The following EME2 variants were observed in gnomAD, a reference collection of about 807,000 sequenced individuals.
EME2 encodes structure-specific endonuclease subunit EME2.
A neutral mutation model predicts 41.9 loss-of-function variants in EME2; 58 were observed. The ratio of observed to expected loss-of-function variants is 1.38; its 90% CI spans 1.12 to 1.72. EME2 has a LOEUF of 1.72. Ranked by LOEUF, EME2 falls within the 40% of genes most tolerant of loss-of-function variation. The pLI is 0.00. For missense variants in EME2, 695 were observed against 541.9 expected, an observed-to-expected ratio of 1.28 and a Z score of -2.81; for synonymous variants, 334 against 239.3, an observed-to-expected ratio of 1.40 and a Z score of -3.65.
intron 2 of EME2, 134 bp downstream of exon 2, chr16:1,773,975 G>C (rs569854840): frequency 2.4e-6 from 3 of 1,241,520 alleles, no homozygotes; most frequent in Non-Finnish European, 3.3e-6. Context: ...CAAGGATGGA[G>C]AACGGGAAGT....
chr16:1,772,812 T>C lies in EME2; in HGVS notation c.-416T>C. On this transcript the variant is annotated 5_prime_UTR_variant, in exon 1 of 8. Coordinates refer to ENST00000568449, the MANE Select transcript of EME2 (RefSeq NM_001257370.2). ...GGGTGCACGCACCTGCGCCGTGTAG[T>C]CGGGCCGCACCCGCGTGAGGCGCCA... 6.9e-7 allele frequency: 1 copy of C among 1,448,520 alleles called. No individual in the cohort carries two copies. The highest frequency in any genetic ancestry group is 9.0e-7 in the Non-Finnish European group (1 of 1,105,564). 89.7% of individuals were successfully genotyped at this position (1,448,520 alleles called of 1,614,324 possible). A position where few individuals can be genotyped will look rare whatever the true frequency, so the allele number is the denominator to read the frequency against.
In EME2 at chr16:1,781,682, G is replaced by C. The variant is rs942575627; in HGVS notation, c.*5444G>C. On this transcript the variant is annotated 3_prime_UTR_variant, in exon 8 of 8. Coordinates refer to ENST00000568449, the MANE Select transcript of EME2 (RefSeq NM_001257370.2). The stretch of plus-strand genomic sequence containing the variant: ...GATCTGAGCAGCTCAATAAAACCCA[G>C]GTAGATCCTGTGAAACGCCACCCAG... The C allele has an allele frequency of 3.3e-6, 2 of 610,890 alleles. No individual in the cohort carries two copies. Among genetic ancestry groups the C allele is most frequent in the East Asian group, 2.8e-5 (1 of 35,590 alleles). The allele number at this position is 610,890 out of a possible 1,614,324, so 37.8% of individuals were successfully genotyped here.
rs762327122 is a variant in EME2, at chr16:1,781,158, CTG to C, written c.*4928_*4929del. The C allele has an allele frequency of 7.9e-6, 12 of 1,527,624 alleles. No individual in the cohort carries two copies. In the African/African-American group the frequency reaches 1.5e-4, roughly 19 times the overall value. The allele number at this position is 1,527,624 out of a possible 1,614,324, so 94.6% of individuals were successfully genotyped here. On this transcript the variant is annotated 3_prime_UTR_variant, in exon 8 of 8. Transcript: ENST00000568449. The stretch of plus-strand genomic sequence containing the variant: ...TTCTGAGGTCCTGTCACCCCTGAGG[CTG>C]TGTGTGTCCTTTGCCAAATTAAAGA...
In EME2 at chr16:1,773,811, C is replaced by A. The variant is rs1208637540; in HGVS notation, c.354C>A (p.Thr118=). ...PQRPARSLRW[T]RASPDPCPRS... ...GCCCGGCCCGCAGCCTGCGGTGGAC[C>A]CGAGCGAGTCCCGACCCCTGCCCCC... The change falls in exon 2 of 8, where the codon ACC becomes ACA. Residue 118 remains threonine (T), a synonymous_variant. Transcript: ENST00000568449. 29 of 1,556,642 alleles carry A rather than the reference C, an allele frequency of 1.9e-5. No homozygotes were observed. The highest frequency in any genetic ancestry group is 2.3e-5 in the Non-Finnish European group (27 of 1,153,208).
At position 1,776,006 on chromosome 16, in the gene EME2, A is replaced by C; in HGVS notation, c.969+20A>C. ...CAGCAGGTGGGCCCCTGCCTCCTCCAAGCCCTCCAGGTGCAGAAGCCCCGT... is the reference window on the plus strand; with the variant it reads ...CAGCAGGTGGGCCCCTGCCTCCTCCCAGCCCTCCAGGTGCAGAAGCCCCGT... On this transcript the variant is annotated intron_variant, in intron 7 of 7. Transcript: ENST00000568449. 1 of 1,607,078 alleles carries C rather than the reference A, an allele frequency of 6.2e-7. No individual in the cohort carries two copies. The highest frequency in any genetic ancestry group is 8.5e-7 in the Non-Finnish European group (1 of 1,178,378).
In EME2 at chr16:1,781,602, C is replaced by CA. The variant is rs1473419781; in HGVS notation, c.*5365dup. ...CTCAAAGTGGGGACTGCAGGGGCCG[C>CA]ACCGGTGCCCAGCCAGGGCTCCAGA... On this transcript the variant is annotated 3_prime_UTR_variant, in exon 8 of 8. Coordinates refer to ENST00000568449, the MANE Select transcript of EME2 (RefSeq NM_001257370.2). 3 of 1,225,998 alleles carry CA rather than the reference C, an allele frequency of 2.4e-6. No individual in the cohort carries two copies. The highest frequency in any genetic ancestry group is 3.4e-6 in the Non-Finnish European group (3 of 888,056). The allele number at this position is 1,225,998 out of a possible 1,614,324, so 75.9% of individuals were successfully genotyped here.
rs2141992667 is a variant in EME2, at chr16:1,781,240, T to C, written c.*5002T>C. On this transcript the variant is annotated 3_prime_UTR_variant, in exon 8 of 8. Transcript: ENST00000568449. ...CAGGCCCAGGTTTGGACTGGTCCTCTAGCCTCAGAAGCATCTTTTTCTCCG... is the reference window on the plus strand; with the variant it reads ...CAGGCCCAGGTTTGGACTGGTCCTCCAGCCTCAGAAGCATCTTTTTCTCCG... 1.3e-6 allele frequency: 2 copies of C among 1,597,542 alleles called. No individual in the cohort carries two copies. Among genetic ancestry groups the C allele is most frequent in the Middle Eastern group, 1.7e-4 (1 of 6,058 alleles).
In EME2 at chr16:1,777,788, C is replaced by A; in HGVS notation, c.*1550C>A. ...CTTGAAAAAGGTGAGTGTGCCGTGC[C>A]AGGTGTCCAGGTGCACGCCAATGAT... On this transcript the variant is annotated 3_prime_UTR_variant, in exon 8 of 8. Transcript: ENST00000568449. 1 of 1,612,866 alleles carries A rather than the reference C, an allele frequency of 6.2e-7. No homozygotes were observed.
intron 3 of EME2, 27 bp downstream of exon 3, chr16:1,774,379 C>G: frequency 6.3e-7 from 1 of 1,595,590 alleles, no homozygotes; most frequent in Non-Finnish European, 8.6e-7. Flanking sequence ...AGTAGTCCCT[C>G]TCTAATCAGG....
At position 1,780,873 on chromosome 16, in the gene EME2, C is replaced by G; in HGVS notation, c.*4635C>G. 1 of 329,298 alleles carries G rather than the reference C, an allele frequency of 3.0e-6. No homozygotes were observed. Among genetic ancestry groups the G allele is most frequent in the Non-Finnish European group, 5.9e-6 (1 of 168,428 alleles). 20.4% of individuals were successfully genotyped at this position (329,298 alleles called of 1,614,324 possible). On this transcript the variant is annotated 3_prime_UTR_variant, in exon 8 of 8. Transcript: ENST00000568449. ...TCAGCCTCCTGAGTCGTTGGGACTA[C>G]AGGCACGTGCCACCACGCCTGACAC... is the stretch of plus-strand genomic sequence containing the variant.
Position 1,775,634 on chromosome 16 carries a change from G to A in EME2, c.729G>A (p.Leu243=), listed in dbSNP as rs2042699385. The A allele has an allele frequency of 6.2e-7, 1 of 1,612,948 alleles. No homozygotes were observed. The highest frequency in any genetic ancestry group is 1.1e-5 in the South Asian group (1 of 91,086). The change falls in exon 6 of 8, where the codon CTG becomes CTA. Residue 243 remains leucine (L), a synonymous_variant. Coordinates refer to ENST00000568449, the MANE Select transcript of EME2 (RefSeq NM_001257370.2). ...DVLLVASWQE[L]SRHVCAVTKA... Reference sequence around the variant, plus strand: ...TACTGGTGGCCTCTTGGCAGGAGCTGAGTCGGCACGTGTGCGCCGTTACCA... The same window carrying A: ...TACTGGTGGCCTCTTGGCAGGAGCTAAGTCGGCACGTGTGCGCCGTTACCA...
At position 1,775,111 on chromosome 16, in the gene EME2, T is replaced by C. The variant is rs764544647; in HGVS notation, c.548T>C (p.Ile183Thr). The C allele has an allele frequency of 1.2e-6, 2 of 1,611,906 alleles. No individual in the cohort carries two copies. Among genetic ancestry groups the C allele is most frequent in the Non-Finnish European group, 1.7e-6 (2 of 1,179,948 alleles). Reference sequence around the variant, plus strand: ...ACCGCCCGGCCCCACCTGGCTGTCATCGGGCTGGATGCCTACCTGTGGTAC... The same window carrying C: ...ACCGCCCGGCCCCACCTGGCTGTCACCGGGCTGGATGCCTACCTGTGGTAC... ...ETTARPHLAV[I>T]GLDAYLWSRQ... Residue 183 changes from isoleucine (I) to threonine (T), a missense_variant, in exon 4 of 8, where the codon ATC (isoleucine) becomes ACC (threonine). Coordinates refer to ENST00000568449, the MANE Select transcript of EME2 (RefSeq NM_001257370.2).
Position 1,777,605 on chromosome 16 carries a change from G to C in EME2, c.*1367G>C. ...CCTGCCACTCCAGCCTGGCCTCACT[G>C]TCCCACCCCCTGGGACCCTGGGGCC... On this transcript the variant is annotated 3_prime_UTR_variant, in exon 8 of 8. Coordinates refer to ENST00000568449, the MANE Select transcript of EME2 (RefSeq NM_001257370.2). The C allele has an allele frequency of 7.0e-7, 1 of 1,438,824 alleles. No homozygotes were observed. The highest frequency in any genetic ancestry group is 2.3e-5 in the East Asian group (1 of 42,820). 89.1% of individuals were successfully genotyped at this position (1,438,824 alleles called of 1,614,324 possible). A position where few individuals can be genotyped will look rare whatever the true frequency, so the allele number is the denominator to read the frequency against.
chr16:1,776,277 G>A lies in EME2; in HGVS notation c.*39G>A, dbSNP rs766524617. The A allele has an allele frequency of 6.6e-5, 105 of 1,600,688 alleles. No homozygotes were observed. The highest frequency in any genetic ancestry group is 2.5e-4 in the African/African-American group (19 of 74,654). On this transcript the variant is annotated 3_prime_UTR_variant, in exon 8 of 8. Coordinates refer to ENST00000568449, the MANE Select transcript of EME2 (RefSeq NM_001257370.2). The stretch of plus-strand genomic sequence containing the variant: ...CACCAGGACAGCATGCAGCCTTGGG[G>A]ACAGACCAGACACCCTGGGCGGTGG...
At position 1,777,484 on chromosome 16, in the gene EME2, G is replaced by A; in HGVS notation, c.*1246G>A. 6.9e-7 allele frequency: 1 copy of A among 1,457,708 alleles called. No homozygotes were observed. The highest frequency in any genetic ancestry group is 2.5e-5 in the East Asian group (1 of 40,302). The allele number at this position is 1,457,708 out of a possible 1,614,324, so 90.3% of individuals were successfully genotyped here. A position where few individuals can be genotyped will look rare whatever the true frequency, so the allele number is the denominator to read the frequency against. On this transcript the variant is annotated 3_prime_UTR_variant, in exon 8 of 8. Coordinates refer to ENST00000568449, the MANE Select transcript of EME2 (RefSeq NM_001257370.2). Reference sequence around the variant, plus strand: ...CCAGCCTGAACCCCAGGCAGGGAAGGGGCCAGCTACTGGGCGCAGCCCCTC... The same window carrying A: ...CCAGCCTGAACCCCAGGCAGGGAAGAGGCCAGCTACTGGGCGCAGCCCCTC...
In EME2 at chr16:1,776,924, C is replaced by A. The variant is rs970063612; in HGVS notation, c.*686C>A. The stretch of plus-strand genomic sequence containing the variant: ...CACCCAGCACAGCAGCAGAGGGGCC[C>A]TAGAGCCCCCACAGAAAGGACTGTC... On this transcript the variant is annotated 3_prime_UTR_variant, in exon 8 of 8. Coordinates refer to ENST00000568449, the MANE Select transcript of EME2 (RefSeq NM_001257370.2). The A allele has an allele frequency of 4.0e-6, 3 of 747,634 alleles. No individual in the cohort carries two copies. Among genetic ancestry groups the A allele is most frequent in the African/African-American group, 3.5e-5 (2 of 56,696 alleles). 46.3% of individuals were successfully genotyped at this position (747,634 alleles called of 1,614,324 possible). A position where few individuals can be genotyped will look rare whatever the true frequency, so the allele number is the denominator to read the frequency against.
chr16:1,774,123 G>T, intron 2 of EME2, 137 bp from the exon 3 acceptor site: 1 of 809,442 alleles, frequency 1.2e-6, no homozygotes, highest in South Asian at 1.6e-5. Context: ...AGGGAACACT[G>T]GGCTTCTGTA....
In EME2 at chr16:1,781,678, C is replaced by A; in HGVS notation, c.*5440C>A. On this transcript the variant is annotated 3_prime_UTR_variant, in exon 8 of 8. Transcript: ENST00000568449. ...CCAGGATCTGAGCAGCTCAATAAAA[C>A]CCAGGTAGATCCTGTGAAACGCCAC... 1.6e-6 allele frequency: 1 copy of A among 620,650 alleles called. No homozygotes were observed. Among genetic ancestry groups the A allele is most frequent in the Non-Finnish European group, 2.8e-6 (1 of 356,958 alleles). The allele number at this position is 620,650 out of a possible 1,614,324, so 38.4% of individuals were successfully genotyped here. A position where few individuals can be genotyped will look rare whatever the true frequency, so the allele number is the denominator to read the frequency against.
At position 1,776,783 on chromosome 16, in the gene EME2, C is replaced by G; in HGVS notation, c.*545C>G. On this transcript the variant is annotated 3_prime_UTR_variant, in exon 8 of 8. Coordinates refer to ENST00000568449, the MANE Select transcript of EME2 (RefSeq NM_001257370.2). Reference sequence around the variant, plus strand: ...ATGACGGCGGGGCAGCCGCTGACAGCATGCAGAGCAAGTTAGGAAAAACCG... The same window carrying G: ...ATGACGGCGGGGCAGCCGCTGACAGGATGCAGAGCAAGTTAGGAAAAACCG... The G allele has an allele frequency of 2.2e-6, 1 of 464,586 alleles. No individual in the cohort carries two copies. Among genetic ancestry groups the G allele is most frequent in the Non-Finnish European group, 3.8e-6 (1 of 260,064 alleles). 28.8% of individuals were successfully genotyped at this position (464,586 alleles called of 1,614,324 possible). A position where few individuals can be genotyped will look rare whatever the true frequency, so the allele number is the denominator to read the frequency against.
Sources: gnomAD v4.1 joint callset for allele counts on GRCh38, gnomAD v4.1.1 for gene constraint, MANE v1.5 for transcripts, NCBI Gene and HGNC (gene_info 2026-07-23, HGNC 2026-07-21) for gene names.